RFX4: variants seen among roughly 807,000 people sequenced by gnomAD.
The protein encoded by RFX4 is transcription factor RFX4.
Under a neutral mutation model 95.0 loss-of-function variants are expected in RFX4, and 10 were observed. That is an observed-to-expected ratio of 0.11 (90% CI 0.06 to 0.18). RFX4 has a LOEUF of 0.18. RFX4 is among the 10% of genes least tolerant of loss of function. The pLI is 1.00. For synonymous variants in RFX4, 321 were observed against 340.7 expected, an observed-to-expected ratio of 0.94 and a Z score of 0.64; for missense variants, 640 against 922.0, an observed-to-expected ratio of 0.69 and a Z score of 3.96.
intron 8 of RFX4, among the ~76,000 whole-genome samples, chr12:106,706,793 T>G (rs1431696091): frequency 6.6e-6 from 1 of 152,230 alleles, no homozygotes; most frequent in Non-Finnish European, 1.5e-5. Context: ...GTGTGGACCT[T>G]GTTTGGATCC....
At chr12:106,606,279 T>A (rs917604991) in intron 1 of RFX4, among the ~76,000 whole-genome samples, 2 of 151,600 alleles carry the variant, frequency 1.3e-5, no homozygotes, top group African/African-American at 2.4e-5. Flanking sequence ...AGTGTGTGTG[T>A]GAGAGTGACT....
intron 1 of RFX4, among the ~76,000 whole-genome samples, chr12:106,594,487 G>A (rs1251147389): frequency 6.6e-6 from 1 of 152,192 alleles, no homozygotes; most frequent in Non-Finnish European, 1.5e-5. Flanking sequence ...TGAAAACTTT[G>A]GTGTGATGAC....
intron 17 of RFX4, among the ~76,000 whole-genome samples, chr12:106,754,923 T>C (rs2043081702): frequency 6.6e-6 from 1 of 152,248 alleles, no homozygotes; most frequent in African/African-American, 2.4e-5. Context: ...AAATTAATTA[T>C]ATCAGTCTCT....
chr12:106,762,723 A>T lies in RFX4; in HGVS notation c.*1254A>T, dbSNP rs2043225558. 1 of 152,562 alleles carries T rather than the reference A, an allele frequency of 6.6e-6. No homozygotes were observed. Among genetic ancestry groups the T allele is most frequent in the Admixed American group, 6.6e-5 (1 of 15,262 alleles). 9.5% of individuals were successfully genotyped at this position (152,562 alleles called of 1,614,324 possible). On this transcript the variant is annotated 3_prime_UTR_variant, in exon 18 of 18. Transcript: ENST00000392842. ...CACTCAGTGTGATAATTGTGTCTAC[A>T]GCTAAAATGGAAATAGTTTTATCTG...
chr12:106,756,909 TA>T (rs2043118316), intron 17 of RFX4, among the ~76,000 whole-genome samples: 1 of 152,178 alleles, frequency 6.6e-6, no homozygotes, highest in African/African-American at 2.4e-5. Context: ...CTCTCCCCAT[TA>T]TATTCCCATG....
In RFX4 at chr12:106,762,392, A is replaced by G. The variant is rs1010357336; in HGVS notation, c.*923A>G. 6 of 152,624 alleles carry G rather than the reference A, an allele frequency of 3.9e-5. No homozygotes were observed. The highest frequency in any genetic ancestry group is 8.8e-5 in the Non-Finnish European group (6 of 68,028). 9.5% of individuals were successfully genotyped at this position (152,624 alleles called of 1,614,324 possible). ...AAGTGACTTTCACGGTTCCTTCATA[A>G]AACTATAATAATATCCGACACTTTG... is the stretch of plus-strand genomic sequence containing the variant. On this transcript the variant is annotated 3_prime_UTR_variant, in exon 18 of 18. Coordinates refer to ENST00000392842, the MANE Select transcript of RFX4 (RefSeq NM_213594.3).
In RFX4 at chr12:106,715,389, T is replaced by A. The variant is rs774700738; in HGVS notation, c.994-11T>A. ...CCCATGAGCTAACGAGTTGATTGGATTGGATTATAGGCATCTCGAACAGTG... is the reference window on the plus strand; with the variant it reads ...CCCATGAGCTAACGAGTTGATTGGAATGGATTATAGGCATCTCGAACAGTG... On this transcript the variant is annotated splice_polypyrimidine_tract_variant and intron_variant, in intron 10 of 17. Coordinates refer to ENST00000392842, the MANE Select transcript of RFX4 (RefSeq NM_213594.3). 6.2e-7 allele frequency: 1 copy of A among 1,611,308 alleles called. No homozygotes were observed. Among genetic ancestry groups the A allele is most frequent in the Non-Finnish European group, 8.5e-7 (1 of 1,177,960 alleles).
At chr12:106,587,315 T>C (rs1422514249) in intron 1 of RFX4, among the ~76,000 whole-genome samples, 1 of 152,108 alleles carries the variant, frequency 6.6e-6, no homozygotes, top group Non-Finnish European at 1.5e-5. Flanking sequence ...CGCGTCACCA[T>C]GGAGACTGCT....
intron 2 of RFX4, among the ~76,000 whole-genome samples, chr12:106,615,568 G>A (rs1054322338): frequency 2.0e-5 from 3 of 152,040 alleles, no homozygotes; most frequent in African/African-American, 7.2e-5. Context: ...TAATAAATTT[G>A]GGAAGAACAC....
Position 106,587,546 on chromosome 12 carries a change from C to CT in RFX4, c.43+4184dup, listed in dbSNP as rs371539099. On this transcript the variant is annotated intron_variant, in intron 1 of 17. Transcript: ENST00000392842. ...CTGCTTCCCAGAGGCTCCGAGGTCT[C>CT]TAATTTCTCTCCAGCAGCTATACCT... Among the ~76,000 whole-genome samples the CT allele has an allele frequency of 2.8e-3, 431 of 152,302 alleles. 4 individuals are homozygous for CT. Among genetic ancestry groups the CT allele is most frequent in the African/African-American group, 9.7e-3 (404 of 41,574 alleles).
chr12:106,606,587 T>A (rs2039838112), intron 1 of RFX4, among the ~76,000 whole-genome samples: 1 of 152,168 alleles, frequency 6.6e-6, no homozygotes, highest in African/African-American at 2.4e-5. Context: ...TTACAAGCTG[T>A]CTGTCTCCAC....
chr12:106,598,497 C>T (rs2068391), intron 1 of RFX4, among the ~76,000 whole-genome samples: 12,551 of 152,086 alleles, frequency 0.083, 1,223 homozygotes, highest in African/African-American at 0.24. Flanking sequence ...AGGTAGTTAC[C>T]GGGTTAGAGT....
intron 1 of RFX4, among the ~76,000 whole-genome samples, chr12:106,597,418 T>C (rs2039637297): frequency 6.6e-6 from 1 of 152,122 alleles, no homozygotes; most frequent in Non-Finnish European, 1.5e-5. Context: ...ACAGGAAAGG[T>C]GATTTCAGGT....
At chr12:106,747,882 C>T (rs951192351) in intron 16 of RFX4, among the ~76,000 whole-genome samples, 1 of 149,634 alleles carries the variant, frequency 6.7e-6, no homozygotes, top group East Asian at 2.0e-4. Context: ...GAGCTGAGAT[C>T]GCACCGCTGA....
chr12:106,626,013 T>C (rs2040290924), intron 2 of RFX4, among the ~76,000 whole-genome samples: 1 of 152,214 alleles, frequency 6.6e-6, no homozygotes, highest in Non-Finnish European at 1.5e-5. Context: ...CAATGAATTT[T>C]CAATCTAGAA....
At chr12:106,698,018 G>A (rs1181514747) in intron 8 of RFX4, among the ~76,000 whole-genome samples, 2 of 151,604 alleles carry the variant, frequency 1.3e-5, no homozygotes, top group Non-Finnish European at 2.9e-5. Flanking sequence ...TGTTGCCCAG[G>A]CTGGAGTGCA....
intron 11 of RFX4, among the ~76,000 whole-genome samples, chr12:106,719,134 C>A (rs903778188): frequency 3.3e-5 from 5 of 151,562 alleles, no homozygotes; most frequent in Admixed American, 6.6e-5. Context: ...AAACAAAAAA[C>A]AAAAAACAAA....
chr12:106,619,713 T>C (rs2040142375), intron 2 of RFX4, among the ~76,000 whole-genome samples: 1 of 152,242 alleles, frequency 6.6e-6, no homozygotes, highest in Admixed American at 6.5e-5. Context: ...TGCAGTTACA[T>C]GAATATTAGA....
Position 106,613,516 on chromosome 12 carries a change from C to T in RFX4, c.130+4633C>T, listed in dbSNP as rs548769350. Among the ~76,000 whole-genome samples the T allele has an allele frequency of 2.2e-3, 336 of 152,084 alleles. 2 individuals carry two copies. Among genetic ancestry groups the T allele is most frequent in the African/African-American group, 7.7e-3 (318 of 41,518 alleles). On this transcript the variant is annotated intron_variant, in intron 2 of 17. Transcript: ENST00000392842. ...TAGCTGGGATTACAGGCGCCCACCA[C>T]CACACCCAGCCAATTTTTTGTATTT...
Sources: gnomAD v4.1 joint callset for allele counts (sites outside exome capture counted in the v4.1 genomes callset) on GRCh38, gnomAD v4.1.1 for gene constraint, MANE v1.5 for transcripts, NCBI Gene and HGNC (gene_info 2026-07-23, HGNC 2026-07-21) for gene names.